Variants in SCN8A observed in about 807,000 individuals in gnomAD.
The protein encoded by SCN8A is sodium channel protein type 8 subunit alpha.
A neutral mutation model predicts 184.1 loss-of-function variants in SCN8A; 30 were observed. That is an observed-to-expected ratio of 0.16 (90% CI 0.12 to 0.22). The LOEUF (loss-of-function observed/expected upper bound fraction) is 0.22, where lower values mean the gene tolerates loss of function less well. Ranked by LOEUF, SCN8A falls within the 10% of genes least tolerant of loss-of-function variation. The pLI, the probability that SCN8A is intolerant of heterozygous loss-of-function variation, is 1.00. For synonymous variants in SCN8A, 852 were observed against 907.0 expected (o/e 0.94, Z 1.09); for missense variants, 1,057 against 2,498.9 (o/e 0.42, Z 12.30).
intron 2 of SCN8A, among the ~76,000 whole-genome samples, chr12:51,669,433 T>C (rs1365401282): frequency 6.6e-6 from 1 of 152,224 alleles, no homozygotes; most frequent in Non-Finnish European, 1.5e-5. Flanking sequence ...ATTTTAGCTG[T>C]GGCGAACTAC....
At chr12:51,778,256 T>C (rs1273494731) in intron 20 of SCN8A, among the ~76,000 whole-genome samples, 1 of 152,152 alleles carries the variant, frequency 6.6e-6, no homozygotes, top group Non-Finnish European at 1.5e-5. Flanking sequence ...CATGCATAGA[T>C]CAAGGTCCAT....
rs1565923413 is a variant in SCN8A, at chr12:51,780,561, C to CTTT, written c.3820-87_3820-85dup. On this transcript the variant is annotated intron_variant, in intron 20 of 26. Coordinates refer to ENST00000627620, the MANE Select transcript of SCN8A (RefSeq NM_001330260.2). ...TCTAACACTCTGGAACCTCTGTTTTCTTTCTTTTTTTTTTTTTTTTTTTTT... is the reference window on the plus strand; with the variant it reads ...TCTAACACTCTGGAACCTCTGTTTTCTTTTTTCTTTTTTTTTTTTTTTTTTTTT... 7 of 457,870 alleles carry CTTT rather than the reference C, an allele frequency of 1.5e-5. No individual in the cohort carries two copies. In the African/African-American group the frequency reaches 4.4e-4, roughly 29 times the overall value. 28.4% of individuals were successfully genotyped at this position (457,870 alleles called of 1,614,324 possible). A position where few individuals can be genotyped will look rare whatever the true frequency, so the allele number is the denominator to read the frequency against.
intron 22 of SCN8A, among the ~76,000 whole-genome samples, chr12:51,788,036 C>T (rs1938134734): frequency 6.6e-6 from 1 of 152,018 alleles, no homozygotes; most frequent in Non-Finnish European, 1.5e-5. Flanking sequence ...CCTTCCTGTG[C>T]CCTGAAAAAA....
At chr12:51,675,021 G>T (rs1941198825) in intron 2 of SCN8A, among the ~76,000 whole-genome samples, 1 of 152,236 alleles carries the variant, frequency 6.6e-6, no homozygotes, top group Non-Finnish European at 1.5e-5. Context: ...TCTAGAATAT[G>T]AATTCAGTAA....
intron 1 of SCN8A, among the ~76,000 whole-genome samples, chr12:51,605,471 C>T (rs548897036): frequency 6.6e-6 from 1 of 152,292 alleles, no homozygotes; most frequent in African/African-American, 2.4e-5. Flanking sequence ...ATATACACCA[C>T]AGTTTCTTTA....
chr12:51,610,039 G>A (rs879373762), intron 1 of SCN8A, among the ~76,000 whole-genome samples: 51 of 151,440 alleles, frequency 3.4e-4, no homozygotes, highest in Non-Finnish European at 5.0e-4. Context: ...GCATGGTGGC[G>A]CATGCCTGTA....
intron 25 of SCN8A, among the ~76,000 whole-genome samples, chr12:51,792,448 C>T (rs1938285932): frequency 6.9e-6 from 1 of 144,238 alleles, no homozygotes; most frequent in South Asian, 2.3e-4. Flanking sequence ...TATATCATGC[C>T]ACTGCACTCC....
At position 51,721,862 on chromosome 12, in the gene SCN8A, TCATCGGCGGCCCCGGCTCCCA is replaced by T. The variant is rs768554772; in HGVS notation, c.1962_1982del (p.Pro655_Gly661del). The T allele has an allele frequency of 2.5e-6, 4 of 1,602,790 alleles. No individual in the cohort carries two copies. The highest frequency in any genetic ancestry group is 3.4e-6 in the Non-Finnish European group (4 of 1,179,808). On this transcript the variant is annotated inframe_deletion, in exon 12 of 27. Transcript: ENST00000627620. Reference sequence around the variant, plus strand: ...GTGGACTGCAACGGCGTGGTGTCCCTCATCGGCGGCCCCGGCTCCCACATCGGCGGGCGTCTCCTGCCAGAG... The same window carrying T: ...GTGGACTGCAACGGCGTGGTGTCCCTCATCGGCGGGCGTCTCCTGCCAGAG...
At chr12:51,736,214 A>G (rs1330613650) in intron 12 of SCN8A, among the ~76,000 whole-genome samples, 1 of 152,248 alleles carries the variant, frequency 6.6e-6, no homozygotes, top group Non-Finnish European at 1.5e-5. Flanking sequence ...GAGCTTGGCT[A>G]GTATAGCCTG....
chr12:51,776,922 C>T (rs1436398217), intron 20 of SCN8A, among the ~76,000 whole-genome samples: 2 of 152,222 alleles, frequency 1.3e-5, no homozygotes, highest in Non-Finnish European at 2.9e-5. Flanking sequence ...ATCCAGATGA[C>T]TTCCAAGGTT....
At chr12:51,609,202 T>TATTC (rs200159252) in intron 1 of SCN8A, among the ~76,000 whole-genome samples, 1,642 of 152,340 alleles carry the variant, frequency 0.011, 12 homozygotes, top group Non-Finnish European at 0.016. Context: ...ATAGAATGTG[T>TATTC]ATTCTGTGGT....
rs537977771 is a variant in SCN8A, at chr12:51,704,759, G to A, written c.1135-658G>A. On this transcript the variant is annotated intron_variant, in intron 9 of 26. Transcript: ENST00000627620. ...GGAGGCCGAGGCGGGTGGATCATGA[G>A]GTCAGGAGCTCAAGACCAGCCTGGC... Among the ~76,000 whole-genome samples, 154 of 151,678 alleles carry A rather than the reference G, an allele frequency of 1.0e-3. 1 individual carries two copies. The highest frequency in any genetic ancestry group is 3.6e-3 in the African/African-American group (150 of 41,344).
intron 2 of SCN8A, among the ~76,000 whole-genome samples, chr12:51,669,079 TCTAAACATAG>T (rs1442534215): frequency 6.6e-6 from 1 of 152,198 alleles, no homozygotes; most frequent in South Asian, 2.1e-4. Flanking sequence ...TATTTCTGTA[TCTAAACATAG>T]CTAAACATAG....
At chr12:51,792,671 T>C (rs973060410) in intron 25 of SCN8A, among the ~76,000 whole-genome samples, 8 of 152,000 alleles carry the variant, frequency 5.3e-5, no homozygotes, top group Non-Finnish European at 1.0e-4. Flanking sequence ...GGTTAACAAA[T>C]AGGGATTGTG....
intron 2 of SCN8A, among the ~76,000 whole-genome samples, chr12:51,664,176 C>T (rs1037732832): frequency 2.0e-5 from 3 of 151,436 alleles, no homozygotes; most frequent in Non-Finnish European, 4.4e-5. Context: ...AGTAAGAAAT[C>T]CTGATTCTAC....
chr12:51,701,981 C>A (rs1313548956), intron 8 of SCN8A, among the ~76,000 whole-genome samples: 1 of 151,896 alleles, frequency 6.6e-6, no homozygotes, highest in Admixed American at 6.6e-5. Flanking sequence ...AACTGAAATC[C>A]CCCCTTGACT....
intron 11 of SCN8A, among the ~76,000 whole-genome samples, chr12:51,709,681 T>C (rs1164599476): frequency 6.6e-6 from 1 of 152,098 alleles, no homozygotes; most frequent in Admixed American, 6.5e-5. Context: ...TCCCAGCTTC[T>C]TTAAAGAGTG....
At chr12:51,771,895 C>T (rs1942930865) in intron 19 of SCN8A, among the ~76,000 whole-genome samples, 1 of 152,196 alleles carries the variant, frequency 6.6e-6, no homozygotes, top group South Asian at 2.1e-4. Context: ...TTCTTCAAAT[C>T]TAGTGAACAA....
intron 6 of SCN8A, among the ~76,000 whole-genome samples, chr12:51,698,374 A>G (rs1400587716): frequency 1.3e-5 from 2 of 152,212 alleles, no homozygotes; most frequent in African/African-American, 4.8e-5. Flanking sequence ...CTTGAATTTC[A>G]GTTCAGTGGT....
Sources: allele counts gnomAD v4.1 joint callset (sites outside exome capture counted in the v4.1 genomes callset), GRCh38; gene constraint gnomAD v4.1.1; transcripts MANE v1.5; gene names NCBI Gene and HGNC (gene_info 2026-07-23, HGNC 2026-07-21).